CTDSPL: variants seen among roughly 807,000 people sequenced by gnomAD.
CTDSPL encodes the protein CTD small phosphatase-like protein.
CTDSPL carries 8 observed loss-of-function variants against 30.5 expected under a neutral mutation model. The ratio of observed to expected loss-of-function variants is 0.26; its 90% CI spans 0.15 to 0.47. The LOEUF (loss-of-function observed/expected upper bound fraction) is 0.47, where lower values mean the gene tolerates loss of function less well. CTDSPL is among the 20% of genes least tolerant of loss of function. CTDSPL has a pLI of 0.99. For synonymous variants in CTDSPL, 110 were observed against 137.9 expected (o/e 0.80, Z 1.42); for missense variants, 248 against 366.1 (o/e 0.68, Z 2.63).
chr3:37,941,500 G>A (rs1575309606), intron 1 of CTDSPL, among the ~76,000 whole-genome samples: 1 of 145,666 alleles, frequency 6.9e-6, no homozygotes, highest in East Asian at 2.0e-4. Context: ...ACTGCAACTT[G>A]TGCCTCGGCC....
At chr3:37,952,326 T>C (rs1323301814) in intron 2 of CTDSPL, among the ~76,000 whole-genome samples, 1 of 152,074 alleles carries the variant, frequency 6.6e-6, no homozygotes, top group East Asian at 1.9e-4. Flanking sequence ...CTGAGTCAGG[T>C]AGTTGGTGGG....
intron 2 of CTDSPL, among the ~76,000 whole-genome samples, chr3:37,949,428 G>A (rs1172778341): frequency 6.6e-6 from 1 of 152,034 alleles, no homozygotes; most frequent in East Asian, 1.9e-4. Flanking sequence ...ACAGGCAGTT[G>A]GTTAAAAAAA....
intron 1 of CTDSPL, among the ~76,000 whole-genome samples, chr3:37,924,286 A>AT (rs1559634943): frequency 6.6e-6 from 1 of 151,892 alleles, no homozygotes; most frequent in Non-Finnish European, 1.5e-5. Flanking sequence ...TCTCTTCATT[A>AT]TGGTTACTGT....
rs756837564 is a variant in CTDSPL, at chr3:37,862,813, G to C, written c.79+535G>C. 1.3e-5 allele frequency among the ~76,000 whole-genome samples: 2 copies of C among 152,178 alleles called. No individual in the cohort carries two copies. The highest frequency in any genetic ancestry group is 4.8e-5 in the African/African-American group (2 of 41,436). On this transcript the variant is annotated intron_variant, in intron 1 of 7. Coordinates refer to ENST00000273179, the MANE Select transcript of CTDSPL (RefSeq NM_001008392.2). This position sits in a 1 kb window ranked among gnomAD's most constrained non-coding sequence, Gnocchi z 4.3. ...GTGGAATGTGTGTGCGTGAGCATGAGCCTGGAGAGGTTCTATGCCTGTTCA... is the reference window on the plus strand; with the variant it reads ...GTGGAATGTGTGTGCGTGAGCATGACCCTGGAGAGGTTCTATGCCTGTTCA...
In CTDSPL at chr3:37,984,169, CTG is replaced by C; in HGVS notation, c.*3305_*3306del. ...AATGGCTTGACGTACTTGCAGTTAA[CTG>C]TGCAAAATTGGCTGGCTGCCTCTGT... On this transcript the variant is annotated 3_prime_UTR_variant, in exon 8 of 8. Coordinates refer to ENST00000273179, the MANE Select transcript of CTDSPL (RefSeq NM_001008392.2). The C allele has an allele frequency of 2.2e-6, 1 of 455,412 alleles. No individual in the cohort carries two copies. Among genetic ancestry groups the C allele is most frequent in the East Asian group, 7.0e-5 (1 of 14,346 alleles). 28.2% of individuals were successfully genotyped at this position (455,412 alleles called of 1,614,324 possible).
chr3:37,907,946 T>G (rs1698536814), intron 1 of CTDSPL, among the ~76,000 whole-genome samples: 1 of 152,132 alleles, frequency 6.6e-6, no homozygotes, highest in South Asian at 2.1e-4. Flanking sequence ...TCACACATGG[T>G]AAATGCGACC....
Position 37,975,973 on chromosome 3 carries a change from C to T in CTDSPL, c.705+79C>T. On this transcript the variant is annotated intron_variant, in intron 7 of 7. Coordinates refer to ENST00000273179, the MANE Select transcript of CTDSPL (RefSeq NM_001008392.2). This position sits in a 1 kb window ranked among gnomAD's most constrained non-coding sequence, Gnocchi z 4.9. Reference sequence around the variant, plus strand: ...GCCAGGCAGGTACCACTTTTGAGCACCTACACAAGAAGGTCTCTGGGCCTT... The same window carrying T: ...GCCAGGCAGGTACCACTTTTGAGCATCTACACAAGAAGGTCTCTGGGCCTT... 6.9e-7 allele frequency: 1 copy of T among 1,455,412 alleles called. No individual in the cohort carries two copies. The highest frequency in any genetic ancestry group is 1.3e-5 in the South Asian group (1 of 78,192). 90.2% of individuals were successfully genotyped at this position (1,455,412 alleles called of 1,614,324 possible).
At chr3:37,904,207 C>T (rs1432423410) in intron 1 of CTDSPL, among the ~76,000 whole-genome samples, 2 of 152,232 alleles carry the variant, frequency 1.3e-5, no homozygotes, top group African/African-American at 4.8e-5. Context: ...ACATTTGCAC[C>T]TGAAGCAGAG....
chr3:37,910,496 AAAAAAAC>A (rs796385676), intron 1 of CTDSPL, among the ~76,000 whole-genome samples: 5 of 152,192 alleles, frequency 3.3e-5, no homozygotes, highest in South Asian at 2.1e-4. Context: ...CAACAACAAC[AAAAAAAC>A]AAAAAACAAA....
chr3:37,914,229 ATGTT>A (rs1698617293), intron 1 of CTDSPL, among the ~76,000 whole-genome samples: 1 of 151,866 alleles, frequency 6.6e-6, no homozygotes. Flanking sequence ...CCTTTTCCAA[ATGTT>A]TATTATATTT....
At chr3:37,891,588 T>C (rs990091826) in intron 1 of CTDSPL, among the ~76,000 whole-genome samples, 2 of 152,222 alleles carry the variant, frequency 1.3e-5, no homozygotes, top group African/African-American at 4.8e-5. Context: ...GAAGGACCCA[T>C]TTGCACTTAA....
chr3:37,900,091 A>G (rs781280986), intron 1 of CTDSPL, among the ~76,000 whole-genome samples: 1 of 152,174 alleles, frequency 6.6e-6, no homozygotes, highest in Non-Finnish European at 1.5e-5. Flanking sequence ...GAAAATGAGA[A>G]TTTTTGTTGC....
rs1699494876 is a variant in CTDSPL, at chr3:37,981,749, A to C, written c.*882A>C. 1 of 447,482 alleles carries C rather than the reference A, an allele frequency of 2.2e-6. No individual in the cohort carries two copies. 27.7% of individuals were successfully genotyped at this position (447,482 alleles called of 1,614,324 possible). The stretch of plus-strand genomic sequence containing the variant: ...TTTGTTGTTATTGTTTGGGTAGAGC[A>C]GTTACAAGAAACCCTAAAACCCTTG... On this transcript the variant is annotated 3_prime_UTR_variant, in exon 8 of 8. Coordinates refer to ENST00000273179, the MANE Select transcript of CTDSPL (RefSeq NM_001008392.2).
In CTDSPL at chr3:37,862,370, G is replaced by A; in HGVS notation, c.79+92G>A. 1 of 1,156,016 alleles carries A rather than the reference G, an allele frequency of 8.7e-7. No homozygotes were observed. Among genetic ancestry groups the A allele is most frequent in the East Asian group, 3.5e-5 (1 of 28,966 alleles). 71.6% of individuals were successfully genotyped at this position (1,156,016 alleles called of 1,614,324 possible). On this transcript the variant is annotated intron_variant, in intron 1 of 7. Coordinates refer to ENST00000273179, the MANE Select transcript of CTDSPL (RefSeq NM_001008392.2). This position sits in a 1 kb window ranked among gnomAD's most constrained non-coding sequence, Gnocchi z 4.3. Reference sequence around the variant, plus strand: ...GCCGGGCGCCGGCATGGGCCTGGGGGAGGGGTGCACAGGGCCCGGAGGGTG... The same window carrying A: ...GCCGGGCGCCGGCATGGGCCTGGGGAAGGGGTGCACAGGGCCCGGAGGGTG...
intron 3 of CTDSPL, among the ~76,000 whole-genome samples, 174 bp downstream of exon 3, chr3:37,957,317 C>G (rs1274494600): frequency 1.3e-5 from 2 of 152,100 alleles, no homozygotes; most frequent in Non-Finnish European, 2.9e-5. Flanking sequence ...AAACTGTGAG[C>G]AGGAAGTTCT....
chr3:37,971,600 G>A (rs1314368580), intron 6 of CTDSPL, 101 bp downstream of exon 6: 2 of 1,087,144 alleles, frequency 1.8e-6, no homozygotes, highest in East Asian at 5.1e-5. Context: ...GGTGGGGGAA[G>A]CCATTTCTAT....
chr3:37,954,212 G>A (rs1464543477), intron 2 of CTDSPL, among the ~76,000 whole-genome samples: 1 of 152,256 alleles, frequency 6.6e-6, no homozygotes. Flanking sequence ...TTTAGAGGCA[G>A]TTCCTCCAGC....
intron 3 of CTDSPL, among the ~76,000 whole-genome samples, chr3:37,961,456 A>G (rs1699244207): frequency 6.6e-6 from 1 of 152,110 alleles, no homozygotes; most frequent in Non-Finnish European, 1.5e-5. Context: ...AGTCCTACCG[A>G]TCCCATACTT....
At chr3:37,908,904 C>A (rs1400706713) in intron 1 of CTDSPL, among the ~76,000 whole-genome samples, 2 of 152,156 alleles carry the variant, frequency 1.3e-5, no homozygotes, top group African/African-American at 2.4e-5. Context: ...TATTTCTGTT[C>A]ATATTGCTGT....
Sources: allele counts gnomAD v4.1 joint callset (sites outside exome capture counted in the v4.1 genomes callset), GRCh38; gene constraint gnomAD v4.1.1; non-coding constraint Gnocchi (gnomAD v3.1); transcripts MANE v1.5; gene names NCBI Gene and HGNC (gene_info 2026-07-23, HGNC 2026-07-21).